Variants in FAM13A observed in about 807,000 individuals in gnomAD.
The protein encoded by FAM13A is protein FAM13A.
FAM13A carries 76 observed loss-of-function variants against 129.6 expected under a neutral mutation model. The ratio of observed to expected loss-of-function variants is 0.59; its 90% CI spans 0.49 to 0.71. FAM13A has a LOEUF of 0.71. Among genes scored for constraint, FAM13A ranks in the 30% least tolerant of loss-of-function variants. The pLI, the probability that FAM13A is intolerant of heterozygous loss-of-function variation, is 0.00. For missense variants in FAM13A, 1,108 were observed against 1,249.3 expected (o/e 0.89, Z 1.70); for synonymous variants, 443 against 449.9 (o/e 0.98, Z 0.20).
intron 15 of FAM13A, among the ~76,000 whole-genome samples, chr4:88,750,172 C>A (rs547471802): frequency 2.6e-5 from 4 of 152,208 alleles, no homozygotes; most frequent in African/African-American, 9.6e-5. Flanking sequence ...TTCCTGTGGG[C>A]CTACAAGAGC....
intron 4 of FAM13A, among the ~76,000 whole-genome samples, chr4:88,945,119 G>T (rs1755452513): frequency 6.6e-6 from 1 of 152,122 alleles, no homozygotes; most frequent in South Asian, 2.1e-4. Context: ...TGTTTCAAAA[G>T]AAAACTACAT....
At chr4:88,905,437 G>T (rs992773792) in intron 6 of FAM13A, among the ~76,000 whole-genome samples, 4 of 151,798 alleles carry the variant, frequency 2.6e-5, no homozygotes, top group African/African-American at 9.7e-5. Flanking sequence ...ACGTTTGGGG[G>T]TACATGTGAA....
intron 3 of FAM13A, among the ~76,000 whole-genome samples, chr4:89,019,114 G>A (rs765173249): frequency 6.6e-6 from 1 of 152,168 alleles, no homozygotes; most frequent in Non-Finnish European, 1.5e-5. Context: ...GGCAAGTGGA[G>A]GTAGTTAGTG....
chr4:88,871,563 G>A (rs975326452), intron 6 of FAM13A, among the ~76,000 whole-genome samples: 4 of 152,144 alleles, frequency 2.6e-5, no homozygotes, highest in Non-Finnish European at 4.4e-5. Flanking sequence ...AAGATCAAAT[G>A]AATGAAATGA....
At position 89,057,161 on chromosome 4, in the gene FAM13A, A is replaced by G. The variant is rs918528972; in HGVS notation, c.-197T>C. 8.1e-5 allele frequency: 116 copies of G among 1,424,214 alleles called. 1 individual carries two copies. The highest frequency in any genetic ancestry group is 2.2e-4 in the South Asian group (14 of 63,420). The allele number at this position is 1,424,214 out of a possible 1,614,324, so 88.2% of individuals were successfully genotyped here. A position where few individuals can be genotyped will look rare whatever the true frequency, so the allele number is the denominator to read the frequency against. On this transcript the variant is annotated 5_prime_UTR_variant, in exon 1 of 24. An upstream start codon of the reference 5' UTR is lost. Transcript: ENST00000264344. ...TTGCTTCTCTTTCCGCTGAACCCAC[A>G]TGGCTGGAAGGACTGCCTGGAGTTG...
chr4:88,858,612 T>A (rs540449799), intron 6 of FAM13A, among the ~76,000 whole-genome samples: 4 of 152,142 alleles, frequency 2.6e-5, no homozygotes, highest in Non-Finnish European at 5.9e-5. Context: ...CCTGAAAACA[T>A]TATGCCAAGT....
At chr4:88,826,304 C>G (rs936477151) in intron 7 of FAM13A, among the ~76,000 whole-genome samples, 8 of 104,042 alleles carry the variant, frequency 7.7e-5, no homozygotes, top group African/African-American at 9.4e-5. Context: ...CCAACTGGCA[C>G]GTAGGATTAA....
rs1737749627 is a variant in FAM13A at position 88,731,404 on chromosome 4, C to T, written c.2868G>A (p.Gln956=). The change falls in exon 23 of 24, where the codon CAG becomes CAA. Residue 956 remains glutamine (Q), a synonymous_variant. Coordinates refer to ENST00000264344, the MANE Select transcript of FAM13A (RefSeq NM_014883.4). The part of the protein sequence containing the change: ...ASIPELLEHL[Q]EMREEKKRIR... ...TCCTTTTCTTTTCTTCTCTCATTTC[C>T]TGGAGGTGTTCCAGGAGTTCAGGTC... 3 of 1,603,920 alleles carry T rather than the reference C, an allele frequency of 1.9e-6. No individual in the cohort carries two copies. The highest frequency in any genetic ancestry group is 1.1e-5 in the South Asian group (1 of 91,018).
rs1014182600 is a variant in FAM13A, at chr4:88,728,311, T to C, written c.*222A>G. ...TGCGCATGTGCACATACTGCAGTCT[T>C]GACTTTCCAATTACAAAATGCCTAA... On this transcript the variant is annotated 3_prime_UTR_variant, in exon 24 of 24. Transcript: ENST00000264344. The C allele has an allele frequency of 1.7e-6, 1 of 589,378 alleles. No homozygotes were observed. Among genetic ancestry groups the C allele is most frequent in the Non-Finnish European group, 3.0e-6 (1 of 332,208 alleles). The allele number at this position is 589,378 out of a possible 1,614,324, so 36.5% of individuals were successfully genotyped here. A position where few individuals can be genotyped will look rare whatever the true frequency, so the allele number is the denominator to read the frequency against.
At chr4:88,764,195 CT>C (rs972613537) in intron 13 of FAM13A, among the ~76,000 whole-genome samples, 1 of 151,526 alleles carries the variant, frequency 6.6e-6, no homozygotes, top group African/African-American at 2.4e-5. Context: ...TGGAACTAGT[CT>C]TTTTTTTTAA....
chr4:88,965,616 C>T (rs77826746), intron 4 of FAM13A, among the ~76,000 whole-genome samples: 2,624 of 152,136 alleles, frequency 0.017, 77 homozygotes, highest in African/African-American at 0.056. Flanking sequence ...AATTTTTAAG[C>T]GTAGAGTTCA....
chr4:88,965,076 C>G (rs1017937194), intron 4 of FAM13A, among the ~76,000 whole-genome samples: 43 of 152,178 alleles, frequency 2.8e-4, no homozygotes, highest in African/African-American at 9.2e-4. Context: ...GTCTTCTTTC[C>G]TTTTATAATT....
chr4:88,987,784 G>T (rs1762424606), intron 4 of FAM13A, among the ~76,000 whole-genome samples: 1 of 140,082 alleles, frequency 7.1e-6, no homozygotes, highest in Admixed American at 7.5e-5. Flanking sequence ...GGAGCTTGCA[G>T]TGAGCCAAGA....
intron 5 of FAM13A, 78 bp from the exon 6 acceptor site, chr4:88,906,540 C>T (rs1424608284): frequency 1.0e-6 from 1 of 954,570 alleles, no homozygotes; most frequent in African/African-American, 1.7e-5. Context: ...TAGTGAAAAA[C>T]AGTTTTGAAG....
intron 6 of FAM13A, among the ~76,000 whole-genome samples, chr4:88,873,601 A>C (rs1451627327): frequency 6.6e-6 from 1 of 152,234 alleles, no homozygotes; most frequent in Non-Finnish European, 1.5e-5. Flanking sequence ...GAAGAAGTTG[A>C]ATCGCTGAAT....
At chr4:88,746,343 A>C (rs2149454341) in intron 19 of FAM13A, among the ~76,000 whole-genome samples, 1 of 152,336 alleles carries the variant, frequency 6.6e-6, no homozygotes, top group South Asian at 2.1e-4. Context: ...ACAAACATTT[A>C]AGCAATGCTT....
At chr4:88,908,108 T>G (rs571664547) in intron 5 of FAM13A, among the ~76,000 whole-genome samples, 1 of 152,218 alleles carries the variant, frequency 6.6e-6, no homozygotes, top group African/African-American at 2.4e-5. Flanking sequence ...ATAGCCCTTA[T>G]GTAAGTACCA....
At chr4:88,850,199 T>TCTAGTAGTAAATAAAATTCAAG (rs1414346454) in intron 7 of FAM13A, among the ~76,000 whole-genome samples, 2 of 152,136 alleles carry the variant, frequency 1.3e-5, no homozygotes, top group Admixed American at 6.5e-5. Flanking sequence ...TTATAGTAAT[T>TCTAGTAGTAAATAAAATTCAAG]CTAGTAGTAA....
intron 10 of FAM13A, among the ~76,000 whole-genome samples, chr4:88,786,285 C>A (rs1430733639): frequency 1.3e-5 from 2 of 152,100 alleles, no homozygotes; most frequent in African/African-American, 2.4e-5. Flanking sequence ...TCTGTCCAAA[C>A]AAAGAGGGTG....
Sources: gnomAD v4.1 joint callset for allele counts (sites outside exome capture counted in the v4.1 genomes callset) on GRCh38, gnomAD v4.1.1 for gene constraint, MANE v1.5 for transcripts, NCBI Gene and HGNC (gene_info 2026-07-23, HGNC 2026-07-21) for gene names.